REST: variants seen among roughly 807,000 people sequenced by gnomAD.
REST encodes RE1-silencing transcription factor.
In REST, 1 loss-of-function variant was observed where a neutral mutation model predicts 30.4. That is an observed-to-expected ratio of 0.03 (90% CI 0.01 to 0.16). The LOEUF (loss-of-function observed/expected upper bound fraction) is 0.16. Ranked by LOEUF, REST falls within the 10% of genes least tolerant of loss-of-function variation. REST has a pLI of 1.00. For synonymous variants in REST, 504 were observed against 451.1 expected (o/e 1.12, Z -1.49); for missense variants, 1,259 against 1,329.5 (o/e 0.95, Z 0.82).
chr4:56,918,569 TATTTTTA>T (rs1720308894), intron 2 of REST, among the ~76,000 whole-genome samples: 1 of 152,156 alleles, frequency 6.6e-6, no homozygotes, highest in African/African-American at 2.4e-5. Flanking sequence ...TATTTATTTT[TATTTTTA>T]GAGACAGGCT....
Position 56,930,657 on chromosome 4 carries a change from C to T in REST, c.1799C>T (p.Pro600Leu), listed in dbSNP as rs772263163. 1 of 1,613,744 alleles carries T rather than the reference C, an allele frequency of 6.2e-7. No homozygotes were observed. The highest frequency in any genetic ancestry group is 8.5e-7 in the Non-Finnish European group (1 of 1,179,936). ...AGCAGTAAGCCTCCTCAGAAGGAAC[C>T]TGTTGAGAAGGGATCTGCTCAGATG... ...KKSSKPPQKE[P>L]VEKGSAQMDP... Residue 600 changes from proline (P) to leucine (L), a missense_variant, in exon 4 of 4, where the codon CCT becomes CTT. Pro to Leu is a moderately conservative substitution (Grantham distance 98). Coordinates refer to ENST00000309042, the MANE Select transcript of REST (RefSeq NM_005612.5).
chr4:56,915,678 C>T (rs962205973), intron 2 of REST, among the ~76,000 whole-genome samples: 5 of 152,026 alleles, frequency 3.3e-5, no homozygotes, highest in Non-Finnish European at 5.9e-5. Flanking sequence ...TCATCTGGTG[C>T]GGAAGAGTAG....
intron 2 of REST, among the ~76,000 whole-genome samples, chr4:56,912,023 CAG>C (rs1204887857): frequency 2.6e-5 from 4 of 152,126 alleles, no homozygotes; most frequent in Non-Finnish European, 5.9e-5. Flanking sequence ...ATTTAAGATG[CAG>C]TGTAGTTTCT....
chr4:56,931,626 G>A lies in REST; in HGVS notation c.2768G>A (p.Gly923Glu), dbSNP rs1247853778. The change falls in exon 4 of 4, where the codon GGA becomes GAA. Residue 923 changes from glycine to glutamate, a missense_variant. Coordinates refer to ENST00000309042, the MANE Select transcript of REST (RefSeq NM_005612.5). ...INESTHISSS[G>E]QNLNTPEGET... Reference sequence around the variant, plus strand: ...GAATCTACCCATATTTCATCCTCTGGACAAAACTTGAATACGCCAGAGGGT... The same window carrying A: ...GAATCTACCCATATTTCATCCTCTGAACAAAACTTGAATACGCCAGAGGGT... The A allele has an allele frequency of 6.2e-7, 1 of 1,614,174 alleles. No homozygotes were observed. The highest frequency in any genetic ancestry group is 8.5e-7 in the Non-Finnish European group (1 of 1,180,040).
rs1252513486 is a variant in REST at position 56,908,006 on chromosome 4, C to G, written c.-217C>G. 8 of 368,908 alleles carry G rather than the reference C, an allele frequency of 2.2e-5. No homozygotes were observed. The highest frequency in any genetic ancestry group is 4.2e-5 in the African/African-American group (2 of 47,142). 22.9% of individuals were successfully genotyped at this position (368,908 alleles called of 1,614,324 possible). ...CCGGGGCCCCAGACCCTGGCGGCGG[C>G]TGCCGCAGCCGAGACGGCAGGGCGA... On this transcript the variant is annotated 5_prime_UTR_variant, in exon 1 of 4. Coordinates refer to ENST00000309042, the MANE Select transcript of REST (RefSeq NM_005612.5).
At chr4:56,912,984 T>TG (rs35640834) in intron 2 of REST, among the ~76,000 whole-genome samples, 39,206 of 147,142 alleles carry the variant, frequency 0.27, 6,101 homozygotes, top group Middle Eastern at 0.5. Flanking sequence ...TTTGTGGAGA[T>TG]GGGGGGTCTC....
In REST at chr4:56,931,871, A is replaced by G. The variant is rs1578517302; in HGVS notation, c.3013A>G (p.Ile1005Val). The G allele has an allele frequency of 6.2e-7, 1 of 1,614,218 alleles. No individual in the cohort carries two copies. Among genetic ancestry groups the G allele is most frequent in the South Asian group, 1.1e-5 (1 of 91,088 alleles). Reference sequence around the variant, plus strand: ...AATGGCAGCAAATGAGTCTCAGGAAATTGATGAAGATGAAGGCATCCACAG... The same window carrying G: ...AATGGCAGCAAATGAGTCTCAGGAAGTTGATGAAGATGAAGGCATCCACAG... ...ATMAANESQE[I>V]DEDEGIHSHE... is the part of the protein sequence containing the mutation. The change falls in exon 4 of 4, where the codon ATT becomes GTT. Residue 1005 changes from isoleucine (I) to valine (V), a missense_variant. Ile to Val is a conservative substitution (Grantham distance 29). Transcript: ENST00000309042.
In REST at chr4:56,935,153, T is replaced by TAA. The variant is rs943779677; in HGVS notation, c.*3002_*3003insAA. On this transcript the variant is annotated 3_prime_UTR_variant, in exon 4 of 4. Transcript: ENST00000309042. ...AGACTGTTTTGCGTATGAGTGCTGA[T>TAA]ACAAATTAAAACCCAAGTAGACCTC... is the stretch of plus-strand genomic sequence containing the variant. 1 of 152,216 alleles carries TAA rather than the reference T, an allele frequency of 6.6e-6. No individual in the cohort carries two copies. Among genetic ancestry groups the TAA allele is most frequent in the African/African-American group, 2.4e-5 (1 of 41,466 alleles). The allele number at this position is 152,216 out of a possible 1,614,324, so 9.4% of individuals were successfully genotyped here.
rs538429646 is a variant in REST, at chr4:56,930,186, A to G, written c.1328A>G (p.Asn443Ser). The part of the protein sequence containing the change: ...READLPDNIT[N>S]EKTEIEQTKI... ...GCTGACTTGCCTGATAATATTACCA[A>G]TGAAAAAACAGAAATAGAACAAACA... is the stretch of plus-strand genomic sequence containing the variant. Residue 443 changes from asparagine (N) to serine (S), a missense_variant, in exon 4 of 4, where the codon AAT becomes AGT. Asn to Ser is a conservative substitution (Grantham distance 46). This residue lies in a region of REST where 856 missense variants were observed against 772.8 expected (regional missense o/e 1.11). Transcript: ENST00000309042. 4.3e-6 allele frequency: 7 copies of G among 1,609,444 alleles called. No individual in the cohort carries two copies. The highest frequency in any genetic ancestry group is 2.7e-5 in the African/African-American group (2 of 74,578).
Position 56,930,838 on chromosome 4 carries a change from G to A in REST, c.1980G>A (p.Gly660=), listed in dbSNP as rs761382393. 5.6e-6 allele frequency: 9 copies of A among 1,612,570 alleles called. No individual in the cohort carries two copies. Among genetic ancestry groups the A allele is most frequent in the South Asian group, 1.1e-5 (1 of 90,996 alleles). ...TTCAGATGGAGGTGGTTCAGGAGGG[G>A]CCTGCTCAGAAGGAGCTGCTGCCTC... The part of the protein sequence containing the change: ...EPVQMEVVQE[G]PAQKELLPPV... Residue 660 remains glycine (G), a synonymous_variant, in exon 4 of 4, where the codon GGG becomes GGA. Transcript: ENST00000309042.
At chr4:56,908,990 G>C (rs932354951) in intron 1 of REST, 6 of 151,730 alleles carry the variant, frequency 4.0e-5, no homozygotes, top group African/African-American at 1.5e-4. Context: ...GCCCCGGGGC[G>C]GTCGGAGGGG....
In REST at chr4:56,910,724, A is replaced by G; in HGVS notation, c.86A>G (p.Asp29Gly). 2.5e-6 allele frequency: 4 copies of G among 1,614,190 alleles called. No homozygotes were observed. Among genetic ancestry groups the G allele is most frequent in the Middle Eastern group, 1.6e-4 (1 of 6,062 alleles). ...SGNIGMALPN[D>G]MYDLHDLSKA... ...AACATTGGAATGGCCCTGCCTAACG[A>G]CATGTATGACTTGCATGACCTTTCC... is the stretch of plus-strand genomic sequence containing the variant. The change falls in exon 2 of 4, where the codon GAC (aspartate) becomes GGC (glycine). Residue 29 changes from aspartate (D) to glycine (G), a missense_variant. Transcript: ENST00000309042.
At position 56,918,983 on chromosome 4, in the gene REST, A is replaced by AT. The variant is rs869154156; in HGVS notation, c.899-788dup. On this transcript the variant is annotated intron_variant, in intron 2 of 3. Coordinates refer to ENST00000309042, the MANE Select transcript of REST (RefSeq NM_005612.5). The stretch of plus-strand genomic sequence containing the variant: ...ACAATCCCCATGCTCAGCCCAGGCT[A>AT]TTTTTTTTTTTTTTTTAAACGAGAT... 4.5e-3 allele frequency among the ~76,000 whole-genome samples: 619 copies of AT among 137,998 alleles called. 3 individuals are homozygous for AT. The highest frequency in any genetic ancestry group is 0.01 in the African/African-American group (383 of 37,366). The allele number at this position is 137,998 out of a possible 152,430, so 90.5% of individuals were successfully genotyped here.
chr4:56,925,130 A>G (rs949963732), intron 3 of REST, among the ~76,000 whole-genome samples: 1 of 144,496 alleles, frequency 6.9e-6, no homozygotes, highest in Admixed American at 7.3e-5. Context: ...GCGCCATTGC[A>G]CTCCAGCCTG....
rs567578609 is a variant in REST at position 56,910,199 on chromosome 4, G to A, written c.-9-431G>A. Among the ~76,000 whole-genome samples the A allele has an allele frequency of 9.9e-5, 15 of 152,268 alleles. No homozygotes were observed. The South Asian group carries it at 2.5e-3, about 25-fold the overall frequency. On this transcript the variant is annotated intron_variant, in intron 1 of 3. Transcript: ENST00000309042. ...CACTGAATGGCTTGTGGATTTCTGG[G>A]CTTTCTGATTCAGACCATTGAACTG... is the stretch of plus-strand genomic sequence containing the variant.
chr4:56,915,205 C>A lies in REST; in HGVS notation c.898+3669C>A, dbSNP rs991260892. ...CCCAAAGATTACAGGCGTGAGCCAC[C>A]ACGCCTGGCCAATTTTGTGTGTGTG... On this transcript the variant is annotated intron_variant, in intron 2 of 3. Coordinates refer to ENST00000309042, the MANE Select transcript of REST (RefSeq NM_005612.5). Among the ~76,000 whole-genome samples, 4 of 150,264 alleles carry A rather than the reference C, an allele frequency of 2.7e-5. No homozygotes were observed. In the East Asian group the frequency reaches 7.8e-4, roughly 29 times the overall value.
chr4:56,908,004 G>A lies in REST; in HGVS notation c.-219G>A, dbSNP rs1218730202. ...GCCCGGGGCCCCAGACCCTGGCGGCGGCTGCCGCAGCCGAGACGGCAGGGC... is the reference window on the plus strand; with the variant it reads ...GCCCGGGGCCCCAGACCCTGGCGGCAGCTGCCGCAGCCGAGACGGCAGGGC... On this transcript the variant is annotated 5_prime_UTR_variant, in exon 1 of 4. Transcript: ENST00000309042. 1.1e-5 allele frequency: 4 copies of A among 369,186 alleles called. No individual in the cohort carries two copies. The highest frequency in any genetic ancestry group is 8.5e-5 in the African/African-American group (4 of 47,212). The allele number at this position is 369,186 out of a possible 1,614,324, so 22.9% of individuals were successfully genotyped here.
intron 2 of REST, among the ~76,000 whole-genome samples, chr4:56,917,909 G>A (rs943226023): frequency 1.3e-5 from 2 of 151,874 alleles, no homozygotes; most frequent in South Asian, 2.1e-4. Flanking sequence ...AAAATTAGCC[G>A]GGCATGGTGG....
chr4:56,916,643 A>T (rs187492424), intron 2 of REST, among the ~76,000 whole-genome samples: 3 of 152,238 alleles, frequency 2.0e-5, no homozygotes, highest in Admixed American at 1.3e-4. Context: ...TCTCAAAAAA[A>T]AATAATAATA....
Sources: gnomAD v4.1 joint callset for allele counts (sites outside exome capture counted in the v4.1 genomes callset) on GRCh38, gnomAD v4.1.1 for gene constraint, gnomAD v4.1.1 regional missense constraint, MANE v1.5 for transcripts, NCBI Gene and HGNC (gene_info 2026-07-23, HGNC 2026-07-21) for gene names.